The following EBF1 variants were observed in gnomAD, a reference collection of about 807,000 sequenced individuals.
The protein encoded by EBF1 is transcription factor COE1.
A neutral mutation model predicts 68.4 loss-of-function variants in EBF1; 10 were observed. The ratio of observed to expected loss-of-function variants is 0.15; its 90% CI spans 0.09 to 0.25. EBF1 has a LOEUF of 0.25. Among genes scored for constraint, EBF1 ranks in the 10% least tolerant of loss-of-function variants. The pLI is 1.00. For missense variants in EBF1, 509 were observed against 794.4 expected (o/e 0.64, Z 4.32); for synonymous variants, 298 against 299.8 (o/e 0.99, Z 0.06).
intron 7 of EBF1, among the ~76,000 whole-genome samples, chr5:158,827,817 T>G (rs533382988): frequency 1.3e-4 from 20 of 152,334 alleles, no homozygotes; most frequent in African/African-American, 4.6e-4. Context: ...AATTTGTATC[T>G]TTAAGCATTT....
intron 6 of EBF1, among the ~76,000 whole-genome samples, chr5:158,901,280 A>G (rs940544826): frequency 6.6e-6 from 1 of 152,196 alleles, no homozygotes; most frequent in Non-Finnish European, 1.5e-5. Context: ...AATTGTCCTC[A>G]TGTTCACCAA....
intron 6 of EBF1, among the ~76,000 whole-genome samples, chr5:158,901,758 C>T (rs560468544): frequency 9.9e-5 from 15 of 152,240 alleles, no homozygotes; most frequent in South Asian, 2.1e-4. Context: ...TAACTTCCCC[C>T]GGTTTACACA....
chr5:158,850,453 C>T (rs1356462751), intron 6 of EBF1, among the ~76,000 whole-genome samples: 1 of 152,172 alleles, frequency 6.6e-6, no homozygotes, highest in African/African-American at 2.4e-5. Context: ...ATCAGAATTA[C>T]CTCAGAAACT....
At chr5:158,783,035 A>G (rs992429236) in intron 9 of EBF1, among the ~76,000 whole-genome samples, 30 of 151,526 alleles carry the variant, frequency 2.0e-4, no homozygotes, top group African/African-American at 5.8e-4. Context: ...GAAAAAAAAA[A>G]GGTTTAAAAA....
At chr5:158,867,026 T>C (rs1440592044) in intron 6 of EBF1, among the ~76,000 whole-genome samples, 1 of 151,714 alleles carries the variant, frequency 6.6e-6, no homozygotes, top group East Asian at 1.9e-4. Flanking sequence ...CTGTGCAATA[T>C]CCCCTGTACT....
At chr5:158,740,516 T>C (rs999427550) in intron 10 of EBF1, among the ~76,000 whole-genome samples, 1 of 152,172 alleles carries the variant, frequency 6.6e-6, no homozygotes, top group Non-Finnish European at 1.5e-5. Flanking sequence ...TGACTCCAAA[T>C]CATCCACTAA....
At chr5:158,801,885 G>A (rs1417144908) in intron 8 of EBF1, among the ~76,000 whole-genome samples, 1 of 152,108 alleles carries the variant, frequency 6.6e-6, no homozygotes, top group Non-Finnish European at 1.5e-5. Context: ...AGTGTTACAT[G>A]ATTCAAGTGC....
intron 6 of EBF1, among the ~76,000 whole-genome samples, chr5:159,018,587 T>A (rs989243888): frequency 1.3e-5 from 2 of 152,232 alleles, no homozygotes; most frequent in Admixed American, 1.3e-4. Flanking sequence ...GAAGGATAAT[T>A]GCATGCACAG....
intron 6 of EBF1, among the ~76,000 whole-genome samples, chr5:158,914,773 C>T (rs140075673): frequency 2.0e-5 from 3 of 152,212 alleles, no homozygotes; most frequent in East Asian, 1.9e-4. Context: ...GCTCTGGCCC[C>T]GGTGTTTGTT....
At chr5:159,083,973 T>C (rs933169741) in intron 5 of EBF1, among the ~76,000 whole-genome samples, 1 of 152,268 alleles carries the variant, frequency 6.6e-6, no homozygotes, top group Non-Finnish European at 1.5e-5. Flanking sequence ...TAATTTGGTC[T>C]ACTTGCCTGT....
intron 6 of EBF1, among the ~76,000 whole-genome samples, chr5:158,881,795 T>A (rs1406566150): frequency 6.6e-6 from 1 of 152,150 alleles, no homozygotes; most frequent in Non-Finnish European, 1.5e-5. Context: ...AATCAGTGAT[T>A]TGGGCTCAGG....
intron 7 of EBF1, 75 bp from the exon 8 acceptor site, chr5:158,823,392 A>G (rs1219017254): frequency 1.4e-6 from 2 of 1,423,244 alleles, no homozygotes; most frequent in Non-Finnish European, 1.9e-6. Flanking sequence ...AGTTAAATAA[A>G]TAACAGCTGG....
rs373123898 is a variant in EBF1 at position 159,064,539 on chromosome 5, C to T, written c.554+8857G>A. ...TGGTATACCCCGACGTGCTCTAAAA[C>T]GCTGGAAGTGCCATTTAGGTGTAAG... On this transcript the variant is annotated intron_variant, in intron 6 of 15. Transcript: ENST00000313708. Among the ~76,000 whole-genome samples, 16 of 152,222 alleles carry T rather than the reference C, an allele frequency of 1.1e-4. No homozygotes were observed. The East Asian group carries it at 1.4e-3, about 13-fold the overall frequency.
intron 1 of EBF1, chr5:159,097,713 T>C (rs564857213): frequency 4.3e-6 from 1 of 233,542 alleles, no homozygotes; most frequent in Non-Finnish European, 8.5e-6. Flanking sequence ...GGCTCAGAAC[T>C]GTCGCGGGTG....
At chr5:159,081,704 T>G (rs757368178) in intron 5 of EBF1, among the ~76,000 whole-genome samples, 2 of 152,132 alleles carry the variant, frequency 1.3e-5, no homozygotes, top group Non-Finnish European at 2.9e-5. Flanking sequence ...AAAGAGGTCT[T>G]TCTTAAACAG....
intron 6 of EBF1, among the ~76,000 whole-genome samples, chr5:158,945,604 A>AT (rs1380743545): frequency 6.6e-6 from 1 of 152,050 alleles, no homozygotes; most frequent in Non-Finnish European, 1.5e-5. Context: ...TGTCCTTAAC[A>AT]TTTTTTCCTT....
chr5:158,959,543 C>T (rs907427695), intron 6 of EBF1, among the ~76,000 whole-genome samples: 2 of 152,066 alleles, frequency 1.3e-5, no homozygotes, highest in African/African-American at 2.4e-5. Context: ...CTGTCTGCCT[C>T]GGCCTCCCAA....
chr5:158,949,261 T>TTTCGATTTGAGCATTTGAGA (rs1815485410), intron 6 of EBF1, among the ~76,000 whole-genome samples: 1 of 152,214 alleles, frequency 6.6e-6, no homozygotes, highest in African/African-American at 2.4e-5. Context: ...TTGAGCAGAT[T>TTTCGATTTGAGCATTTGAGA]TAATTTTCGA....
At chr5:158,780,786 G>T (rs183341844) in intron 9 of EBF1, among the ~76,000 whole-genome samples, 3 of 152,224 alleles carry the variant, frequency 2.0e-5, no homozygotes, top group Admixed American at 2.0e-4. Flanking sequence ...AAGGAGTGAT[G>T]AAAAGAGAAA....
Sources: allele counts gnomAD v4.1 joint callset (sites outside exome capture counted in the v4.1 genomes callset), GRCh38; gene constraint gnomAD v4.1.1; transcripts MANE v1.5; gene names NCBI Gene and HGNC (gene_info 2026-07-23, HGNC 2026-07-21).